The following SEL1L3 variants were observed in gnomAD, a reference collection of about 807,000 sequenced individuals.
SEL1L3 encodes SEL1L family member 3.
In SEL1L3, 76 loss-of-function variants were observed where a neutral mutation model predicts 142.8. The observed-to-expected ratio is 0.53, with a 90% CI of 0.44 to 0.64. The LOEUF is 0.64. Ranked by LOEUF, SEL1L3 falls within the 30% of genes least tolerant of loss-of-function variation. The pLI, the probability that SEL1L3 is intolerant of heterozygous loss-of-function variation, is 0.00. For missense variants in SEL1L3, 1,262 were observed against 1,381.7 expected (o/e 0.91, Z 1.37); for synonymous variants, 504 against 519.6 (o/e 0.97, Z 0.41).
In SEL1L3 at chr4:25,765,375, T is replaced by G. The variant is rs765766276; in HGVS notation, c.2906A>C (p.Glu969Ala). ...YGHQNQSQDL[E>A]LSVQMYAQAA... ...TTGGGCGTACATCTGCACAGACAAC[T>G]CCAGGTCTTGTGACTGGTTTTGGTG... is the stretch of plus-strand genomic sequence containing the variant. The change falls in exon 20 of 24, where the codon GAG becomes GCG. Residue 969 changes from glutamate to alanine, a missense_variant. By Grantham distance (107) the Glu-to-Ala change is moderately radical. Coordinates refer to ENST00000399878, the MANE Select transcript of SEL1L3 (RefSeq NM_015187.5). 2.1e-5 allele frequency: 34 copies of G among 1,613,892 alleles called. No individual in the cohort carries two copies. The highest frequency in any genetic ancestry group is 2.9e-5 in the Non-Finnish European group (34 of 1,179,836).
chr4:25,842,245 T>TAA (rs113690467), intron 2 of SEL1L3, among the ~76,000 whole-genome samples: 2 of 139,940 alleles, frequency 1.4e-5, no homozygotes. Flanking sequence ...TTGTGGAAAT[T>TAA]AAAAAAAAAA....
chr4:25,847,502 G>A lies in SEL1L3; in HGVS notation c.525C>T (p.Ala175=), dbSNP rs1412850928. The stretch of plus-strand genomic sequence containing the variant: ...TGCCACTGTATTTGTGAGTAATCCA[G>A]GCGCGTACTATCACTGCAGATACAG... ...SISVSAVIVR[A]WITHKYSGRD... is the part of the protein sequence containing the mutation. The change falls in exon 2 of 24, where the codon GCC becomes GCT. Residue 175 remains alanine (A), a synonymous_variant. Coordinates refer to ENST00000399878, the MANE Select transcript of SEL1L3 (RefSeq NM_015187.5). 1.2e-6 allele frequency: 2 copies of A among 1,613,832 alleles called. No homozygotes were observed. The highest frequency in any genetic ancestry group is 3.3e-5 in the Admixed American group (2 of 60,000).
At chr4:25,777,691 C>T (rs1719728014) in intron 16 of SEL1L3, 1 of 387,000 alleles carries the variant, frequency 2.6e-6, no homozygotes, top group Non-Finnish European at 5.1e-6. Context: ...AAGAGGATAA[C>T]AGAAAATCCA....
Position 25,767,613 on chromosome 4 carries a change from AG to A in SEL1L3, c.2761-5del. On this transcript the variant is annotated splice_polypyrimidine_tract_variant and splice_region_variant and intron_variant, in intron 18 of 23. Transcript: ENST00000399878. ...CCAAGTATCTCCTGGCCAGGTCCTA[AG>A]GGGTAAAGGGAAGAAAAAGTTAATT... 1 of 1,581,254 alleles carries A rather than the reference AG, an allele frequency of 6.3e-7. No individual in the cohort carries two copies. Among genetic ancestry groups the A allele is most frequent in the Non-Finnish European group, 8.6e-7 (1 of 1,156,728 alleles).
chr4:25,733,866 C>T, the SEL1L3 span, among the ~76,000 whole-genome samples: 1 of 152,106 alleles, frequency 6.6e-6, no homozygotes, highest in Non-Finnish European at 1.5e-5. Context: ...GTAGGACTGG[C>T]CATAGCAGAC....
chr4:25,756,053 G>A (rs2109117129), intron 23 of SEL1L3: 1 of 985,408 alleles, frequency 1.0e-6, no homozygotes, highest in East Asian at 1.1e-4. Context: ...TTTCGCATTA[G>A]CTTCTTGCAA....
intron 20 of SEL1L3, among the ~76,000 whole-genome samples, chr4:25,760,634 C>T (rs1718312061): frequency 6.6e-6 from 1 of 152,130 alleles, no homozygotes; most frequent in South Asian, 2.1e-4. Flanking sequence ...ATTTGTGCTT[C>T]CCTTATGACA....
downstream of SEL1L3, among the ~76,000 whole-genome samples, chr4:25,746,507 A>AATAT (rs141668402): frequency 9.8e-5 from 10 of 101,544 alleles, no homozygotes; most frequent in African/African-American, 3.3e-4. Context: ...ATATTATCTA[A>AATAT]ATATATATAT....
At chr4:25,818,069 T>C (rs1323297002) in intron 9 of SEL1L3, 69 bp downstream of exon 9, 14 of 1,497,666 alleles carry the variant, frequency 9.3e-6, no homozygotes, top group African/African-American at 5.6e-5. Context: ...CCAAAGAGGG[T>C]GAGTGAAACA....
At chr4:25,736,301 G>T in the SEL1L3 span, among the ~76,000 whole-genome samples, 1 of 150,682 alleles carries the variant, frequency 6.6e-6, no homozygotes, top group Non-Finnish European at 1.5e-5. Context: ...TCAGCTCACT[G>T]CAACCTCCGC....
Position 25,782,363 on chromosome 4 carries a change from T to C in SEL1L3, c.2336A>G (p.Asn779Ser). 3 of 1,613,844 alleles carry C rather than the reference T, an allele frequency of 1.9e-6. No homozygotes were observed. Among genetic ancestry groups the C allele is most frequent in the Non-Finnish European group, 2.5e-6 (3 of 1,179,772 alleles). Reference protein sequence around the residue: ...LGWYYHKFKKNYAKAAKYWLK... With the variant: ...LGWYYHKFKKSYAKAAKYWLK... The stretch of plus-strand genomic sequence containing the variant: ...CCAGTACTTTGCTGCTTTGGCGTAA[T>C]TTTTCTTGAATTTGTGGTAATACCA... Residue 779 changes from asparagine (N) to serine (S), a missense_variant, in exon 15 of 24, where the codon AAT becomes AGT. Coordinates refer to ENST00000399878, the MANE Select transcript of SEL1L3 (RefSeq NM_015187.5).
rs141523675 is a variant in SEL1L3, at chr4:25,801,141, G to A, written c.1956+1142C>T. ...GCACTTGCCAGGCACAGTGGCTCAC[G>A]CCTATAATCCCAGCACTTTGGGAGG... On this transcript the variant is annotated intron_variant, in intron 11 of 23. Transcript: ENST00000399878. Among the ~76,000 whole-genome samples, 427 of 152,324 alleles carry A rather than the reference G, an allele frequency of 2.8e-3. 2 individuals carry two copies. The highest frequency in any genetic ancestry group is 9.8e-3 in the African/African-American group (409 of 41,580).
the SEL1L3 span, among the ~76,000 whole-genome samples, chr4:25,728,804 C>T: frequency 1.4e-5 from 2 of 147,656 alleles, no homozygotes; most frequent in Non-Finnish European, 3.0e-5. Flanking sequence ...GCCCGGGAGG[C>T]AGAGGCTGCA....
At chr4:25,856,310 A>G (rs1044457208) in intron 1 of SEL1L3, among the ~76,000 whole-genome samples, 1 of 152,172 alleles carries the variant, frequency 6.6e-6, no homozygotes, top group African/African-American at 2.4e-5. Context: ...CCTTAAAAGC[A>G]CAGTCTAAAT....
chr4:25,840,294 A>G (rs908533023), intron 2 of SEL1L3, among the ~76,000 whole-genome samples: 3 of 150,894 alleles, frequency 2.0e-5, no homozygotes, highest in Non-Finnish European at 4.5e-5. Flanking sequence ...ACTGGAAAAA[A>G]AGGAACTAGG....
At position 25,803,811 on chromosome 4, in the gene SEL1L3, T is replaced by G. The variant is rs547361371; in HGVS notation, c.1776+730A>C. Among the ~76,000 whole-genome samples the G allele has an allele frequency of 8.5e-4, 130 of 152,242 alleles. 2 individuals carry two copies. Among genetic ancestry groups the G allele is most frequent in the Admixed American group, 5.6e-3 (86 of 15,300 alleles). On this transcript the variant is annotated intron_variant, in intron 10 of 23. Transcript: ENST00000399878. ...TTTTTTTGTTGTTGTTTTGGTTTTT[T>G]TCCTGCCCTTGGACTGGAATTTATG...
chr4:25,805,957 A>C (rs1175570956), intron 9 of SEL1L3, among the ~76,000 whole-genome samples: 5 of 152,192 alleles, frequency 3.3e-5, no homozygotes, highest in African/African-American at 1.2e-4. Flanking sequence ...CCTGCCTAAA[A>C]ACTATGTCCA....
intron 5 of SEL1L3, among the ~76,000 whole-genome samples, 187 bp downstream of exon 5, chr4:25,832,808 G>A (rs1715529361): frequency 6.6e-6 from 1 of 152,202 alleles, no homozygotes; most frequent in Admixed American, 6.5e-5. Flanking sequence ...TAATTAAATG[G>A]GATGGGATTC....
intron 13 of SEL1L3, among the ~76,000 whole-genome samples, chr4:25,786,119 T>C (rs1240524554): frequency 6.6e-6 from 1 of 152,138 alleles, no homozygotes; most frequent in Non-Finnish European, 1.5e-5. Context: ...GCTGTCAAAG[T>C]CAAAGCTTTA....
Sources: gnomAD v4.1 joint callset for allele counts (sites outside exome capture counted in the v4.1 genomes callset) on GRCh38, gnomAD v4.1.1 for gene constraint, MANE v1.5 for transcripts, NCBI Gene and HGNC (gene_info 2026-07-23, HGNC 2026-07-21) for gene names.